CBLN2: variants seen among roughly 807,000 people sequenced by gnomAD.
The protein encoded by CBLN2 is cerebellin-2.
CBLN2 carries 7 observed loss-of-function variants against 15.0 expected under a neutral mutation model. The observed-to-expected ratio is 0.47, with a 90% CI of 0.27 to 0.88. CBLN2 has a LOEUF of 0.88. CBLN2 is among the 40% of genes least tolerant of loss of function. CBLN2 has a pLI of 0.14. For missense variants in CBLN2, 242 were observed against 304.5 expected (o/e 0.79, Z 1.53); for synonymous variants, 149 against 135.2 (o/e 1.10, Z -0.71).
At chr18:72,594,822 C>T (rs2069502575) in intron 1 of CBLN2, among the ~76,000 whole-genome samples, 1 of 151,986 alleles carries the variant, frequency 6.6e-6, no homozygotes, top group East Asian at 1.9e-4. Context: ...CATATATTTG[C>T]TCATACTAAC....
chr18:72,557,695 A>G (rs933507273), intron 1 of CBLN2, among the ~76,000 whole-genome samples: 1 of 152,170 alleles, frequency 6.6e-6, no homozygotes, highest in Non-Finnish European at 1.5e-5. Context: ...GTAAGTGGGA[A>G]CTGAAAAATG....
intron 1 of CBLN2, among the ~76,000 whole-genome samples, chr18:72,572,060 A>G (rs2069335723): frequency 6.6e-6 from 1 of 152,168 alleles, no homozygotes; most frequent in Non-Finnish European, 1.5e-5. Context: ...AAATCTTACC[A>G]TAGAGGCTTT....
chr18:72,547,250 T>A (rs927054125), upstream of CBLN2, among the ~76,000 whole-genome samples: 7 of 151,938 alleles, frequency 4.6e-5, no homozygotes, highest in Non-Finnish European at 1.0e-4. Context: ...GCGAAATAAC[T>A]CAAAGTCAAA....
At chr18:72,571,843 G>A (rs947646856) in intron 1 of CBLN2, among the ~76,000 whole-genome samples, 4 of 152,126 alleles carry the variant, frequency 2.6e-5, no homozygotes, top group African/African-American at 9.7e-5. Context: ...TTAATCTCGA[G>A]AGACGATTTT....
intron 1 of CBLN2, among the ~76,000 whole-genome samples, chr18:72,616,614 A>G (rs963403572): frequency 1.7e-4 from 26 of 152,112 alleles, no homozygotes; most frequent in African/African-American, 5.5e-4. Context: ...ATATTTTTCC[A>G]TTATTGTGTG....
At position 72,537,919 on chromosome 18, in the gene CBLN2, G is replaced by T; in HGVS notation, c.*257C>A. The T allele has an allele frequency of 1.9e-6, 1 of 529,394 alleles. No homozygotes were observed. Among genetic ancestry groups the T allele is most frequent in the Non-Finnish European group, 3.4e-6 (1 of 295,246 alleles). 32.8% of individuals were successfully genotyped at this position (529,394 alleles called of 1,614,324 possible). ...GACTTTACAATCACAGGTACAAATT[G>T]CTCAAATCGATAATTTCATTTCTCC... is the stretch of plus-strand genomic sequence containing the variant. On this transcript the variant is annotated 3_prime_UTR_variant, in exon 5 of 5. Coordinates refer to ENST00000269503, the MANE Select transcript of CBLN2 (RefSeq NM_182511.4).
intron 1 of CBLN2, among the ~76,000 whole-genome samples, chr18:72,563,720 T>C (rs990293865): frequency 6.6e-6 from 1 of 152,206 alleles, no homozygotes; most frequent in Non-Finnish European, 1.5e-5. Flanking sequence ...TGTGGCCATC[T>C]GGTGGGCTAG....
chr18:72,607,025 A>C (rs771725475), intron 1 of CBLN2, among the ~76,000 whole-genome samples: 1 of 152,212 alleles, frequency 6.6e-6, no homozygotes, highest in Non-Finnish European at 1.5e-5. Flanking sequence ...CAGAGGTCAT[A>C]GGTTAAAATG....
chr18:72,565,563 T>C (rs1224612792), intron 1 of CBLN2, among the ~76,000 whole-genome samples: 7 of 152,190 alleles, frequency 4.6e-5, no homozygotes, highest in Admixed American at 4.6e-4. Context: ...AGTTAAGTTG[T>C]TATCAACTTT....
chr18:72,567,713 G>T (rs921292170), intron 1 of CBLN2, among the ~76,000 whole-genome samples: 1 of 151,672 alleles, frequency 6.6e-6, no homozygotes, highest in East Asian at 1.9e-4. Flanking sequence ...CTTTCTCCTG[G>T]ATTACTCTCC....
chr18:72,637,946 G>C (rs999417153), intron 1 of CBLN2, among the ~76,000 whole-genome samples: 1 of 152,198 alleles, frequency 6.6e-6, no homozygotes, highest in African/African-American at 2.4e-5. Flanking sequence ...CCGCTGAGAC[G>C]AGACTTGAAG....
chr18:72,557,096 C>T (rs1568254490), intron 1 of CBLN2, among the ~76,000 whole-genome samples: 1 of 151,324 alleles, frequency 6.6e-6, no homozygotes, highest in African/African-American at 2.4e-5. Context: ...GAATGCAGTG[C>T]TTACCATTGT....
intron 1 of CBLN2, among the ~76,000 whole-genome samples, chr18:72,578,499 G>C (rs895601997): frequency 6.6e-6 from 1 of 152,132 alleles, no homozygotes; most frequent in Non-Finnish European, 1.5e-5. Flanking sequence ...AGTCAAAACC[G>C]CTGGTGAAGA....
In CBLN2 at chr18:72,577,820, A is replaced by G. The variant is rs372436160; in HGVS notation, c.16-39048T>C. 4.6e-5 allele frequency among the ~76,000 whole-genome samples: 7 copies of G among 152,338 alleles called. No homozygotes were observed. The East Asian group carries it at 1.2e-3, about 25-fold the overall frequency. On this transcript the variant is annotated intron_variant, in intron 1 of 2. Transcript: ENST00000581073. ...ATGTTGTTCACTGAATATGATGAGC[A>G]TTTGTAGCATAATAGTTTGTACTAA...
chr18:72,608,515 T>C lies in CBLN2; in HGVS notation c.15+29810A>G, dbSNP rs996434601. ...TCTCACATTTCCTGATCTGATCTTA[T>C]GGATTTCACATTTTTCTAAATTCCT... On this transcript the variant is annotated intron_variant, in intron 1 of 2. Coordinates refer to the CBLN2 transcript ENST00000581073. 1.1e-3 allele frequency among the ~76,000 whole-genome samples: 169 copies of C among 152,350 alleles called. 1 individual carries two copies. Among genetic ancestry groups the C allele is most frequent in the African/African-American group, 4.0e-3 (166 of 41,584 alleles).
At chr18:72,568,286 T>A (rs982808030) in intron 1 of CBLN2, among the ~76,000 whole-genome samples, 1 of 152,170 alleles carries the variant, frequency 6.6e-6, no homozygotes, top group Non-Finnish European at 1.5e-5. Flanking sequence ...TTAACCTTCA[T>A]AAAACTATGG....
At chr18:72,542,791 G>A (rs2069126993) in intron 2 of CBLN2, among the ~76,000 whole-genome samples, 2 of 151,898 alleles carry the variant, frequency 1.3e-5, no homozygotes. Context: ...TTCAATCCTC[G>A]AGATGTTTTT....
At chr18:72,541,721 A>G (rs1598988199) in intron 3 of CBLN2, 83 bp downstream of exon 3, 3 of 1,129,438 alleles carry the variant, frequency 2.7e-6, no homozygotes, top group Admixed American at 5.8e-5. Flanking sequence ...TCCACGTCCA[A>G]GAAGCCTGAA....
intron 1 of CBLN2, among the ~76,000 whole-genome samples, chr18:72,554,451 T>A (rs1357934639): frequency 6.6e-6 from 1 of 152,196 alleles, no homozygotes; most frequent in Non-Finnish European, 1.5e-5. Flanking sequence ...TTTCAAGTAC[T>A]GGAATTAAGT....
Sources: gnomAD v4.1 joint callset for allele counts (sites outside exome capture counted in the v4.1 genomes callset) on GRCh38, gnomAD v4.1.1 for gene constraint, MANE v1.5 for transcripts, NCBI Gene and HGNC (gene_info 2026-07-23, HGNC 2026-07-21) for gene names.